TMEM178B: variants seen among roughly 807,000 people sequenced by gnomAD.
The protein encoded by TMEM178B is transmembrane protein 178B.
In TMEM178B, 5 loss-of-function variants were observed where a neutral mutation model predicts 31.0. That is an observed-to-expected ratio of 0.16 (90% CI 0.08 to 0.34). The LOEUF (loss-of-function observed/expected upper bound fraction) is 0.34, where lower values mean the gene tolerates loss of function less well. Ranked by LOEUF, TMEM178B falls within the 10% of genes least tolerant of loss-of-function variation. The pLI, the probability that TMEM178B is intolerant of heterozygous loss-of-function variation, is 1.00. For synonymous variants in TMEM178B, 164 were observed against 164.0 expected, an observed-to-expected ratio of 1.00 and a Z score of 0.00; for missense variants, 275 against 400.3, an observed-to-expected ratio of 0.69 and a Z score of 2.67.
chr7:141,325,620 G>A (rs117273632), intron 2 of TMEM178B, among the ~76,000 whole-genome samples: 2,389 of 152,282 alleles, frequency 0.016, 48 homozygotes, highest in Admixed American at 0.052. Context: ...CAGAGAAGGT[G>A]TAACAAGCCT....
At position 141,461,456 on chromosome 7, in the gene TMEM178B, G is replaced by A. The variant is rs773323221; in HGVS notation, c.635-9080G>A. Among the ~76,000 whole-genome samples, 1 of 152,212 alleles carries A rather than the reference G, an allele frequency of 6.6e-6. No individual in the cohort carries two copies. The highest frequency in any genetic ancestry group is 1.5e-5 in the Non-Finnish European group (1 of 68,048). ...CCAGTGAAGTTGTGGGCATAACTTG[G>A]TCACATAAGGATTAGATATTTGGGC... On this transcript the variant is annotated intron_variant, in intron 3 of 3. Coordinates refer to ENST00000565468, the MANE Select transcript of TMEM178B (RefSeq NM_001195278.2). This position sits in a 1 kb window ranked among gnomAD's most constrained non-coding sequence, Gnocchi z 4.0.
chr7:141,456,085 T>A (rs1471820144), intron 3 of TMEM178B, among the ~76,000 whole-genome samples: 2 of 152,214 alleles, frequency 1.3e-5, no homozygotes, highest in Non-Finnish European at 2.9e-5. Context: ...TGTCAAATAA[T>A]GACATCTAAT....
chr7:141,157,427 GCACA>G (rs111942925), intron 1 of TMEM178B, among the ~76,000 whole-genome samples: 17 of 150,598 alleles, frequency 1.1e-4, no homozygotes, highest in African/African-American at 3.9e-4. Flanking sequence ...CTGCGCGCGT[GCACA>G]CACACACACA....
At chr7:141,378,438 A>T (rs1374191674) in intron 2 of TMEM178B, among the ~76,000 whole-genome samples, 1 of 152,058 alleles carries the variant, frequency 6.6e-6, no homozygotes, top group Non-Finnish European at 1.5e-5. Flanking sequence ...ACCCTCCCCC[A>T]CTGCCCCCAC....
chr7:141,168,638 C>G (rs866879037), intron 1 of TMEM178B, among the ~76,000 whole-genome samples: 1 of 151,926 alleles, frequency 6.6e-6, no homozygotes, highest in Non-Finnish European at 1.5e-5. Flanking sequence ...GGTGTGGTGG[C>G]GAGCACCTCT....
At chr7:141,328,249 G>C (rs910209823) in intron 2 of TMEM178B, among the ~76,000 whole-genome samples, 1 of 152,198 alleles carries the variant, frequency 6.6e-6, no homozygotes, top group African/African-American at 2.4e-5. Flanking sequence ...ATGCCAGCTG[G>C]AGTTTCTGTC....
At chr7:141,119,165 T>A (rs1247815541) in intron 1 of TMEM178B, among the ~76,000 whole-genome samples, 2 of 152,170 alleles carry the variant, frequency 1.3e-5, no homozygotes, top group East Asian at 1.9e-4. Context: ...TGGAGACTGC[T>A]GGGGGACAGA....
the TMEM178B span, among the ~76,000 whole-genome samples, chr7:141,489,151 C>A: frequency 7.2e-5 from 11 of 152,296 alleles, no homozygotes; most frequent in Non-Finnish European, 1.6e-4. Flanking sequence ...AAATCAGGGG[C>A]ATTCTCTTCT....
intron 2 of TMEM178B, among the ~76,000 whole-genome samples, chr7:141,378,276 A>C (rs1436957514): frequency 1.3e-5 from 2 of 152,146 alleles, no homozygotes; most frequent in Non-Finnish European, 2.9e-5. Flanking sequence ...ATTGCTGGTG[A>C]AGTTAGCCTT....
intron 2 of TMEM178B, among the ~76,000 whole-genome samples, chr7:141,285,528 A>G (rs1287135969): frequency 6.6e-6 from 1 of 151,810 alleles, no homozygotes; most frequent in Non-Finnish European, 1.5e-5. Flanking sequence ...TGTAATGCAT[A>G]TTTTCCTGAA....
At chr7:141,152,328 T>A (rs1408502787) in intron 1 of TMEM178B, among the ~76,000 whole-genome samples, 5 of 152,126 alleles carry the variant, frequency 3.3e-5, no homozygotes, top group Admixed American at 6.6e-5. Context: ...TCTTGGTGGC[T>A]CAGGACTGGT....
chr7:141,453,920 T>A (rs201390135), intron 3 of TMEM178B, among the ~76,000 whole-genome samples: 1 of 147,632 alleles, frequency 6.8e-6, no homozygotes, highest in African/African-American at 2.5e-5. Flanking sequence ...CCCTTTTATC[T>A]AAAAAAAAAA....
At chr7:141,491,015 C>CT in the TMEM178B span, among the ~76,000 whole-genome samples, 1 of 152,028 alleles carries the variant, frequency 6.6e-6, no homozygotes, top group Non-Finnish European at 1.5e-5. Flanking sequence ...AACTCATACT[C>CT]TTTTTTATTT....
intron 2 of TMEM178B, among the ~76,000 whole-genome samples, chr7:141,410,643 C>T (rs1047771345): frequency 2.6e-5 from 4 of 151,904 alleles, no homozygotes; most frequent in South Asian, 2.1e-4. Flanking sequence ...ACCTAGAAAT[C>T]GCAGCCTCAG....
intron 2 of TMEM178B, among the ~76,000 whole-genome samples, chr7:141,284,957 C>T (rs911077219): frequency 1.3e-5 from 2 of 150,906 alleles, no homozygotes; most frequent in Non-Finnish European, 2.9e-5. Flanking sequence ...AAGAATGGAT[C>T]AATTAGAGAT....
intron 1 of TMEM178B, among the ~76,000 whole-genome samples, chr7:141,115,682 C>T (rs1232470158): frequency 1.3e-5 from 2 of 152,150 alleles, no homozygotes; most frequent in Non-Finnish European, 2.9e-5. Context: ...CGACTGAAAA[C>T]TTCACTAGCA....
chr7:141,446,633 G>T (rs568653724), intron 3 of TMEM178B, among the ~76,000 whole-genome samples: 31 of 152,284 alleles, frequency 2.0e-4, no homozygotes, highest in African/African-American at 7.2e-4. Context: ...TTATGGTTTT[G>T]TCATGGAGAA....
At chr7:141,149,532 C>T (rs1795921939) in intron 1 of TMEM178B, among the ~76,000 whole-genome samples, 1 of 150,566 alleles carries the variant, frequency 6.6e-6, no homozygotes, top group Non-Finnish European at 1.5e-5. Context: ...TGGGTAACAA[C>T]AACAACAGCA....
At chr7:141,322,387 C>T (rs1163453997) in intron 2 of TMEM178B, among the ~76,000 whole-genome samples, 7 of 150,556 alleles carry the variant, frequency 4.6e-5, no homozygotes, top group South Asian at 2.1e-4. Flanking sequence ...AAAAATTAGC[C>T]GGGCATGGTG....
Sources: gnomAD v4.1 joint callset for allele counts (sites outside exome capture counted in the v4.1 genomes callset) on GRCh38, gnomAD v4.1.1 for gene constraint, Gnocchi (gnomAD v3.1) non-coding constraint, MANE v1.5 for transcripts, NCBI Gene and HGNC (gene_info 2026-07-23, HGNC 2026-07-21) for gene names.